GPRC5A: variants seen among roughly 807,000 people sequenced by gnomAD.
The protein encoded by GPRC5A is retinoic acid-induced protein 3.
A neutral mutation model predicts 22.5 loss-of-function variants in GPRC5A; 19 were observed. The ratio of observed to expected loss-of-function variants is 0.85; its 90% CI spans 0.59 to 1.24. The LOEUF is 1.24. Among genes scored for constraint, GPRC5A ranks in the 50% most tolerant of loss-of-function variants. The probability of loss-of-function intolerance (pLI) is 0.00; values close to 1 mark genes in which losing one functional copy is unlikely to be tolerated. For missense variants in GPRC5A, 471 were observed against 451.1 expected (o/e 1.04, Z -0.40); for synonymous variants, 192 against 184.5 (o/e 1.04, Z -0.33).
At chr12:12,911,730 T>C (rs1864007253) in intron 2 of GPRC5A, among the ~76,000 whole-genome samples, 2 of 152,182 alleles carry the variant, frequency 1.3e-5, no homozygotes, top group South Asian at 2.1e-4. Flanking sequence ...CCTTGTGATC[T>C]GCCCACCTCG....
At chr12:12,891,789 T>C (rs1314130773) in intron 1 of GPRC5A, 125 bp downstream of exon 1, 5 of 150,786 alleles carry the variant, frequency 3.3e-5, no homozygotes, top group Non-Finnish European at 7.4e-5. Flanking sequence ...TACAGTTGGC[T>C]ATGAGAAAAA....
At chr12:12,895,821 C>CAAAAAAAAAAAAAAAAAAA (rs34696528) in intron 1 of GPRC5A, among the ~76,000 whole-genome samples, 1 of 75,648 alleles carries the variant, frequency 1.3e-5, no homozygotes, top group Non-Finnish European at 2.3e-5. Flanking sequence ...ACTAAAAATA[C>CAAAAAAAAAAAAAAAAAAA]AAAAAAAAAA....
intron 1 of GPRC5A, among the ~76,000 whole-genome samples, chr12:12,899,282 C>T (rs931375487): frequency 6.6e-6 from 1 of 152,158 alleles, no homozygotes; most frequent in Non-Finnish European, 1.5e-5. Context: ...AGTGGTCCTC[C>T]CATCTCTCGG....
At position 12,896,642 on chromosome 12, in the gene GPRC5A, T is replaced by G. The variant is rs183162736; in HGVS notation, c.-8+4978T>G. ...TGGGTAAATATTCAGCACTCAGTCT[T>G]AGTCCAAAGCATTTGCTCAGCAATC... On this transcript the variant is annotated intron_variant, in intron 1 of 3. Coordinates refer to ENST00000014914, the MANE Select transcript of GPRC5A (RefSeq NM_003979.4). Among the ~76,000 whole-genome samples, 68 of 152,306 alleles carry G rather than the reference T, an allele frequency of 4.5e-4. 1 individual carries two copies. The East Asian group carries it at 0.013, about 28-fold the overall frequency.
At chr12:12,904,447 C>T (rs1199030477) in intron 1 of GPRC5A, among the ~76,000 whole-genome samples, 1 of 152,112 alleles carries the variant, frequency 6.6e-6, no homozygotes, top group Non-Finnish European at 1.5e-5. Context: ...AGGTGACAGA[C>T]CCACTGTGAG....
rs890105103 is a variant in GPRC5A, at chr12:12,916,611, T to A, written c.*4072T>A. On this transcript the variant is annotated 3_prime_UTR_variant, in exon 4 of 4. Coordinates refer to ENST00000014914, the MANE Select transcript of GPRC5A (RefSeq NM_003979.4). ...ACTAACTTTAAAGAATTGCTCTCCATCTCCTTTGGCAAAGTTCCTTTGCCC... is the reference window on the plus strand; with the variant it reads ...ACTAACTTTAAAGAATTGCTCTCCAACTCCTTTGGCAAAGTTCCTTTGCCC... 6.6e-6 allele frequency: 1 copy of A among 152,210 alleles called. No individual in the cohort carries two copies. The highest frequency in any genetic ancestry group is 1.5e-5 in the Non-Finnish European group (1 of 68,034). The allele number at this position is 152,210 out of a possible 1,614,324, so 9.4% of individuals were successfully genotyped here.
In GPRC5A at chr12:12,912,891, A is replaced by C. The variant is rs1339572664; in HGVS notation, c.*352A>C. The C allele has an allele frequency of 4.8e-5, 10 of 210,302 alleles. No individual in the cohort carries two copies. In the East Asian group the frequency reaches 1.2e-3, roughly 25 times the overall value. 13.0% of individuals were successfully genotyped at this position (210,302 alleles called of 1,614,324 possible). On this transcript the variant is annotated 3_prime_UTR_variant, in exon 4 of 4. Transcript: ENST00000014914. ...GGCTTGAGTGCAGTGGTGCGATCAC[A>C]GCCCAGTGCAGCCTCGACCACCTGT...
chr12:12,900,697 C>A (rs1324327014), intron 1 of GPRC5A, among the ~76,000 whole-genome samples: 3 of 151,938 alleles, frequency 2.0e-5, no homozygotes, highest in Non-Finnish European at 4.4e-5. Flanking sequence ...TCGAGACCAG[C>A]CTGACCAACA....
At chr12:12,899,131 C>CA (rs1242162699) in intron 1 of GPRC5A, among the ~76,000 whole-genome samples, 1 of 152,088 alleles carries the variant, frequency 6.6e-6, no homozygotes, top group Non-Finnish European at 1.5e-5. Context: ...TGGGCTCAAG[C>CA]AATCCTCTTG....
chr12:12,915,242 G>A lies in GPRC5A; in HGVS notation c.*2703G>A, dbSNP rs1448104301. On this transcript the variant is annotated 3_prime_UTR_variant, in exon 4 of 4. Coordinates refer to ENST00000014914, the MANE Select transcript of GPRC5A (RefSeq NM_003979.4). ...TGAGGGAGGATAGAGAGGACAGGGTGTCAAGAACAGCATTTTTACCAAGTT... is the reference window on the plus strand; with the variant it reads ...TGAGGGAGGATAGAGAGGACAGGGTATCAAGAACAGCATTTTTACCAAGTT... 1.3e-5 allele frequency: 2 copies of A among 152,150 alleles called. No individual in the cohort carries two copies. The highest frequency in any genetic ancestry group is 2.9e-5 in the Non-Finnish European group (2 of 68,074). The allele number at this position is 152,150 out of a possible 1,614,324, so 9.4% of individuals were successfully genotyped here.
chr12:12,907,281 G>T (rs1565464807), intron 1 of GPRC5A, among the ~76,000 whole-genome samples: 2 of 150,804 alleles, frequency 1.3e-5, no homozygotes, highest in African/African-American at 2.4e-5. Context: ...CATGCCTGTA[G>T]TACCAGCTAC....
chr12:12,910,173 T>C (rs1043972359), intron 2 of GPRC5A, among the ~76,000 whole-genome samples: 4 of 152,138 alleles, frequency 2.6e-5, no homozygotes, highest in Non-Finnish European at 4.4e-5. Context: ...CAAGGCCATG[T>C]TCTTAGCTCC....
chr12:12,908,164 C>G, intron 1 of GPRC5A, 79 bp from the exon 2 acceptor site: 5 of 1,019,678 alleles, frequency 4.9e-6, no homozygotes, highest in Non-Finnish European at 1.4e-6. Context: ...TTTCCTAATC[C>G]TTTTTTAGTC....
intron 1 of GPRC5A, among the ~76,000 whole-genome samples, chr12:12,902,777 A>G (rs367792805): frequency 1.2e-4 from 18 of 150,106 alleles, no homozygotes; most frequent in South Asian, 2.1e-4. Flanking sequence ...TCTCAAAAAG[A>G]AAAAAAAGGG....
rs770356227 is a variant in GPRC5A, at chr12:12,908,962, G to A, written c.713G>A (p.Arg238His). Residue 238 changes from arginine (R) to histidine (H), a missense_variant, in exon 2 of 4, where the codon CGC becomes CAC. By Grantham distance (29) the Arg-to-His change is conservative. Coordinates refer to ENST00000014914, the MANE Select transcript of GPRC5A (RefSeq NM_003979.4). ...CTGCTCATGCTTCCTGACTTTGACC[G>A]CAGGTGGGATGACACCATCCTCAGC... ...ITLLMLPDFD[R>H]RWDDTILSSA... 1.3e-5 allele frequency: 21 copies of A among 1,613,936 alleles called. No individual in the cohort carries two copies. The highest frequency in any genetic ancestry group is 4.5e-5 in the East Asian group (2 of 44,898).
Position 12,912,511 on chromosome 12 carries a change from A to T in GPRC5A, c.1046A>T (p.Asp349Val), listed in dbSNP as rs763900633. ...RAHAWPSPYK[D>V]YEVKKEGS The stretch of plus-strand genomic sequence containing the variant: ...CACGCTTGGCCGAGCCCTTACAAAG[A>T]CTATGAAGTAAAGAAAGAGGGCAGC... Residue 349 changes from aspartate (D) to valine (V), a missense_variant, in exon 4 of 4, where the codon GAC (aspartate) becomes GTC (valine). Transcript: ENST00000014914. 1 of 1,609,576 alleles carries T rather than the reference A, an allele frequency of 6.2e-7. No individual in the cohort carries two copies. Among genetic ancestry groups the T allele is most frequent in the South Asian group, 1.1e-5 (1 of 91,000 alleles).
chr12:12,910,434 T>C (rs1030632727), intron 2 of GPRC5A, among the ~76,000 whole-genome samples: 1 of 152,202 alleles, frequency 6.6e-6, no homozygotes, highest in Non-Finnish European at 1.5e-5. Context: ...AGGGCCACTG[T>C]CAGCTTTCTC....
rs143295407 is a variant in GPRC5A at position 12,898,584 on chromosome 12, A to G, written c.-8+6920A>G. Among the ~76,000 whole-genome samples the G allele has an allele frequency of 6.2e-3, 943 of 152,066 alleles. 7 individuals carry two copies. The highest frequency in any genetic ancestry group is 0.013 in the Admixed American group (205 of 15,278). ...GGAAACCATATATGGCTCAGAGGAA[A>G]CTCTCAAGAGGACTTGGGTCTTTTG... On this transcript the variant is annotated intron_variant, in intron 1 of 3. Coordinates refer to ENST00000014914, the MANE Select transcript of GPRC5A (RefSeq NM_003979.4).
chr12:12,893,836 C>T (rs538068849), intron 1 of GPRC5A, among the ~76,000 whole-genome samples: 7 of 152,198 alleles, frequency 4.6e-5, no homozygotes, highest in Admixed American at 2.6e-4. Context: ...TCACTGAAAC[C>T]TCTGCCTCCC....
Sources: gnomAD v4.1 joint callset for allele counts (sites outside exome capture counted in the v4.1 genomes callset) on GRCh38, gnomAD v4.1.1 for gene constraint, MANE v1.5 for transcripts, NCBI Gene and HGNC (gene_info 2026-07-23, HGNC 2026-07-21) for gene names.